Variants in FSTL4 observed in about 807,000 individuals in gnomAD.
FSTL4 encodes the protein follistatin-related protein 4.
FSTL4 carries 28 observed loss-of-function variants against 78.2 expected under a neutral mutation model. The ratio of observed to expected loss-of-function variants is 0.36; its 90% confidence interval spans 0.27 to 0.49. The LOEUF is 0.49. Ranked by LOEUF, FSTL4 falls within the 20% of genes least tolerant of loss-of-function variation. FSTL4 has a pLI of 0.98. For missense variants in FSTL4, 922 were observed against 1,084.9 expected (o/e 0.85, Z 2.11); for synonymous variants, 422 against 440.5 (o/e 0.96, Z 0.53).
chr5:133,311,173 T>G (rs1028874947), intron 6 of FSTL4, among the ~76,000 whole-genome samples: 1 of 152,202 alleles, frequency 6.6e-6, no homozygotes, highest in Non-Finnish European at 1.5e-5. Context: ...TGAGCTCTCA[T>G]GAACCAGGTG....
the FSTL4 span, among the ~76,000 whole-genome samples, chr5:133,676,048 A>T: frequency 4.0e-4 from 61 of 152,014 alleles, 1 homozygote; most frequent in Non-Finnish European, 8.8e-5. Flanking sequence ...GGGCTGGGAG[A>T]CCCTCAGACG....
chr5:133,477,328 G>T (rs1452631060), intron 3 of FSTL4, among the ~76,000 whole-genome samples: 2 of 152,146 alleles, frequency 1.3e-5, no homozygotes, highest in Admixed American at 6.5e-5. Flanking sequence ...AAGCAGTTCA[G>T]CCATTTTCTC....
chr5:133,646,590 CT>C, the FSTL4 span, among the ~76,000 whole-genome samples: 4 of 152,236 alleles, frequency 2.6e-5, no homozygotes, highest in Non-Finnish European at 5.9e-5. Flanking sequence ...ACTGTCACAG[CT>C]TTCCAGGGAA....
chr5:133,673,272 C>T, the FSTL4 span, among the ~76,000 whole-genome samples: 1 of 152,200 alleles, frequency 6.6e-6, no homozygotes, highest in Non-Finnish European at 1.5e-5. Flanking sequence ...GCAGGCACTA[C>T]AGGGCTTGCT....
the FSTL4 span, among the ~76,000 whole-genome samples, chr5:133,668,045 C>A: frequency 2.3e-4 from 35 of 152,324 alleles, 1 homozygote; most frequent in Non-Finnish European, 4.4e-4. Flanking sequence ...CAGTGGCTGC[C>A]CCAGGAAGCT....
At chr5:133,748,581 A>C in the FSTL4 span, among the ~76,000 whole-genome samples, 4,233 of 152,258 alleles carry the variant, frequency 0.028, 212 homozygotes, top group African/African-American at 0.096. Context: ...ACACACACAC[A>C]CACAAAATAA....
chr5:133,803,748 C>T, the FSTL4 span, among the ~76,000 whole-genome samples: 29,621 of 152,148 alleles, frequency 0.19, 3,059 homozygotes, highest in African/African-American at 0.22. Context: ...GGCACTGGGG[C>T]TACAAAGACC....
chr5:133,836,403 C>A, the FSTL4 span, among the ~76,000 whole-genome samples: 8 of 152,102 alleles, frequency 5.3e-5, no homozygotes, highest in African/African-American at 9.7e-5. Flanking sequence ...TTTTGTACTA[C>A]TTCTTGGACA....
intron 4 of FSTL4, among the ~76,000 whole-genome samples, chr5:133,398,209 A>C (rs1756123903): frequency 6.6e-6 from 1 of 152,162 alleles, no homozygotes. Context: ...ATCAGTGCCC[A>C]GGTCTTTCCT....
the FSTL4 span, among the ~76,000 whole-genome samples, chr5:133,744,489 C>A: frequency 2.0e-5 from 3 of 152,192 alleles, no homozygotes; most frequent in Non-Finnish European, 4.4e-5. Context: ...ACCACGACAT[C>A]CCTTTGTAGG....
rs752076807 is a variant in FSTL4, at chr5:133,591,527, G to A, written c.126+12331C>T. On this transcript the variant is annotated intron_variant, in intron 2 of 15. Transcript: ENST00000265342. ...CACTCCTTCACAAGAGCCACCCAGC[G>A]CTGCACCCACATCCTCCCCTCAGAG... Among the ~76,000 whole-genome samples, 152 of 152,178 alleles carry A rather than the reference G, an allele frequency of 1.0e-3. No homozygotes were observed. In the Middle Eastern group the frequency reaches 0.041, roughly 41 times the overall value.
At chr5:133,568,814 G>A (rs943227246) in intron 2 of FSTL4, among the ~76,000 whole-genome samples, 3 of 152,076 alleles carry the variant, frequency 2.0e-5, no homozygotes, top group Admixed American at 6.5e-5. Context: ...TTCATAATCA[G>A]CTCCAGAAAA....
chr5:133,780,933 T>A, the FSTL4 span, among the ~76,000 whole-genome samples: 1 of 152,086 alleles, frequency 6.6e-6, no homozygotes, highest in Non-Finnish European at 1.5e-5. Context: ...GAGAAAACAC[T>A]CAGAGAGGTT....
At chr5:133,583,359 G>T in intron 2 of FSTL4, 1 of 270,026 alleles carries the variant, frequency 3.7e-6, no homozygotes, top group South Asian at 2.4e-5. Context: ...GCAGAAGACG[G>T]GTGATTTCTG....
At chr5:133,539,229 T>C (rs1415156356) in intron 3 of FSTL4, among the ~76,000 whole-genome samples, 1 of 152,152 alleles carries the variant, frequency 6.6e-6, no homozygotes, top group Non-Finnish European at 1.5e-5. Context: ...GCTGCTGCCA[T>C]CTTTGGAAAA....
chr5:133,678,940 C>T, the FSTL4 span, among the ~76,000 whole-genome samples: 1 of 152,116 alleles, frequency 6.6e-6, no homozygotes, highest in African/African-American at 2.4e-5. Context: ...TGCATCATCA[C>T]GTTGTTCCAC....
chr5:133,664,360 T>C, the FSTL4 span, among the ~76,000 whole-genome samples: 2 of 152,132 alleles, frequency 1.3e-5, no homozygotes, highest in Admixed American at 1.3e-4. Context: ...ACATTAACTC[T>C]TCAGTGGTTT....
chr5:133,391,247 A>G (rs1275022807), intron 4 of FSTL4, among the ~76,000 whole-genome samples: 1 of 152,168 alleles, frequency 6.6e-6, no homozygotes, highest in Admixed American at 6.5e-5. Flanking sequence ...CCTTGATCTT[A>G]ATTGAAGGCA....
At position 133,199,296 on chromosome 5, in the gene FSTL4, GTTC is replaced by G; in HGVS notation, c.2325_2327del (p.Lys775del). The G allele has an allele frequency of 6.2e-7, 1 of 1,614,082 alleles. No homozygotes were observed. On this transcript the variant is annotated inframe_deletion, in exon 16 of 16. Coordinates refer to ENST00000265342, the MANE Select transcript of FSTL4 (RefSeq NM_015082.2). This position sits in a 1 kb window ranked among gnomAD's most constrained non-coding sequence, Gnocchi z 4.4. ...CTGGCCCTGCGGGTGGCTCCTTTAA[GTTC>G]TTCAGCATGCCCACCTTCCCCGTGG...
Sources: gnomAD v4.1 joint callset for allele counts (sites outside exome capture counted in the v4.1 genomes callset) on GRCh38, gnomAD v4.1.1 for gene constraint, Gnocchi (gnomAD v3.1) non-coding constraint, MANE v1.5 for transcripts, NCBI Gene and HGNC (gene_info 2026-07-23, HGNC 2026-07-21) for gene names.